The following COL15A1 variants were observed in gnomAD, a reference collection of about 807,000 sequenced individuals.
COL15A1 encodes the protein collagen alpha-1(XV) chain.
Under a neutral mutation model 165.9 loss-of-function variants are expected in COL15A1, and 111 were observed. The ratio of observed to expected loss-of-function variants is 0.67; its 90% CI spans 0.57 to 0.78. The LOEUF is 0.78. Among genes scored for constraint, COL15A1 ranks in the 30% least tolerant of loss-of-function variants. The pLI, the probability that COL15A1 is intolerant of heterozygous loss-of-function variation, is 0.00. For synonymous variants in COL15A1, 659 were observed against 674.8 expected (o/e 0.98, Z 0.36); for missense variants, 1,745 against 1,789.7 (o/e 0.98, Z 0.45).
intron 34 of COL15A1, among the ~76,000 whole-genome samples, chr9:99,055,798 A>G (rs891331371): frequency 3.3e-5 from 5 of 152,220 alleles, no homozygotes; most frequent in Admixed American, 2.0e-4. Flanking sequence ...AGATTTTTCC[A>G]GGTGAAAGGA....
In COL15A1 at chr9:98,994,452, C is replaced by A. The variant is rs187193001; in HGVS notation, c.805-2482C>A. On this transcript the variant is annotated intron_variant, in intron 5 of 41. Coordinates refer to ENST00000375001, the MANE Select transcript of COL15A1 (RefSeq NM_001855.5). ...TCCTACTTAGCCTTCAGGATCCAGTCCACATCCTCTCCTTGGAGGCCATTA... is the reference window on the plus strand; with the variant it reads ...TCCTACTTAGCCTTCAGGATCCAGTACACATCCTCTCCTTGGAGGCCATTA... Among the ~76,000 whole-genome samples the A allele has an allele frequency of 8.8e-4, 134 of 152,154 alleles. 1 individual carries two copies. Among genetic ancestry groups the A allele is most frequent in the Non-Finnish European group, 1.6e-3 (112 of 68,028 alleles).
At chr9:98,957,539 C>T (rs545917624) in intron 2 of COL15A1, among the ~76,000 whole-genome samples, 1 of 152,322 alleles carries the variant, frequency 6.6e-6, no homozygotes, top group South Asian at 2.1e-4. Context: ...GAAGTTCCAC[C>T]AAGTGCTGTC....
rs540564336 is a variant in COL15A1 at position 98,996,734 on chromosome 9, C to T, written c.805-200C>T. 4.6e-5 allele frequency among the ~76,000 whole-genome samples: 7 copies of T among 152,332 alleles called. No homozygotes were observed. In the South Asian group the frequency reaches 6.2e-4, roughly 14 times the overall value. ...AGTCTCACTGTCAAGTGAACAGAATCTAATGACCTCTAGTAGGCACCTCTT... is the reference window on the plus strand; with the variant it reads ...AGTCTCACTGTCAAGTGAACAGAATTTAATGACCTCTAGTAGGCACCTCTT... On this transcript the variant is annotated intron_variant, in intron 5 of 41. Coordinates refer to ENST00000375001, the MANE Select transcript of COL15A1 (RefSeq NM_001855.5).
intron 16 of COL15A1, among the ~76,000 whole-genome samples, chr9:99,029,745 G>A (rs1307462628): frequency 4.6e-5 from 7 of 151,988 alleles, no homozygotes; most frequent in Non-Finnish European, 8.8e-5. Context: ...TCAACATGGC[G>A]AAACCCCATC....
chr9:99,031,860 G>C (rs926268361), intron 16 of COL15A1, among the ~76,000 whole-genome samples: 10 of 152,190 alleles, frequency 6.6e-5, no homozygotes, highest in African/African-American at 2.4e-4. Context: ...TTTTGTTAGA[G>C]TAGGTCCTCC....
At chr9:99,003,366 A>C in intron 7 of COL15A1, 87 bp from the exon 8 acceptor site, 1 of 1,051,148 alleles carries the variant, frequency 9.5e-7, no homozygotes, top group Non-Finnish European at 1.3e-6. Context: ...AGGTGGCTGG[A>C]GAAGGCTAGG....
At chr9:98,982,083 G>C (rs565811037) in intron 2 of COL15A1, among the ~76,000 whole-genome samples, 1 of 152,028 alleles carries the variant, frequency 6.6e-6, no homozygotes, top group Admixed American at 6.6e-5. Flanking sequence ...TTACAGGCAT[G>C]AGCCACCATA....
In COL15A1 at chr9:99,036,195, G is replaced by A. The variant is rs200935969; in HGVS notation, c.2315G>A (p.Arg772Gln). Residue 772 changes from arginine to glutamine, a missense_variant, in exon 20 of 42, where the codon CGG becomes CAG. Coordinates refer to ENST00000375001, the MANE Select transcript of COL15A1 (RefSeq NM_001855.5). ...GGTCTCAAAGGAGAGAAAGGAGACC[G>A]GGGACCCAAGGTGAGGTCACAGAGC... ...AIGLKGEKGD[R>Q]GPKGERGMDG... The A allele has an allele frequency of 2.6e-5, 42 of 1,613,150 alleles. No homozygotes were observed. Among genetic ancestry groups the A allele is most frequent in the East Asian group, 1.6e-4 (7 of 44,868 alleles).
chr9:98,964,538 C>T lies in COL15A1; in HGVS notation c.100+20288C>T, dbSNP rs76053332. ...ACACAGTGTGTTTGACAACAACCCT[C>T]GGACAAATTTCTCTGGTTATTTCTT... On this transcript the variant is annotated intron_variant, in intron 2 of 41. Coordinates refer to ENST00000375001, the MANE Select transcript of COL15A1 (RefSeq NM_001855.5). Among the ~76,000 whole-genome samples, 1,478 of 152,312 alleles carry T rather than the reference C, an allele frequency of 9.7e-3. 27 individuals carry two copies. The highest frequency in any genetic ancestry group is 0.033 in the African/African-American group (1,390 of 41,574).
intron 15 of COL15A1, among the ~76,000 whole-genome samples, chr9:99,025,615 G>C (rs564388585): frequency 6.6e-6 from 1 of 152,206 alleles, no homozygotes. Context: ...GGCCATCAGG[G>C]CTGGGCCTGG....
intron 22 of COL15A1, among the ~76,000 whole-genome samples, chr9:99,040,029 T>C (rs959351479): frequency 6.6e-6 from 1 of 152,222 alleles, no homozygotes; most frequent in African/African-American, 2.4e-5. Flanking sequence ...AGTGACCTCA[T>C]TGTGAGCCAT....
chr9:99,049,871 C>G lies in COL15A1; in HGVS notation c.2880C>G (p.Pro960=). Residue 960 remains proline (P), a synonymous_variant, in exon 30 of 42, where the codon CCC becomes CCG. Transcript: ENST00000375001. The stretch of plus-strand genomic sequence containing the variant: ...ACCCACAGGCCATTTTCCCAATACC[C>G]GTCCGACCACACTGCAAAATGCCAG... ...INIKGAIFPI[P]VRPHCKMPVD... is the part of the protein sequence containing the mutation. The G allele has an allele frequency of 1.2e-6, 2 of 1,614,214 alleles. No homozygotes were observed. Among genetic ancestry groups the G allele is most frequent in the South Asian group, 2.2e-5 (2 of 91,078 alleles).
chr9:98,987,406 C>T, intron 4 of COL15A1, 38 bp downstream of exon 4: 1 of 1,563,108 alleles, frequency 6.4e-7, no homozygotes, highest in Non-Finnish European at 8.7e-7. Flanking sequence ...GCCCTGCAAC[C>T]CCAGCAGCCG....
intron 2 of COL15A1, among the ~76,000 whole-genome samples, chr9:98,983,621 A>G (rs1271105925): frequency 2.6e-5 from 4 of 152,204 alleles, no homozygotes; most frequent in African/African-American, 7.2e-5. Flanking sequence ...GCAGGCTCCC[A>G]TGTCAGCCTC....
Sources: gnomAD v4.1 joint callset for allele counts (sites outside exome capture counted in the v4.1 genomes callset) on GRCh38, gnomAD v4.1.1 for gene constraint, MANE v1.5 for transcripts, NCBI Gene and HGNC (gene_info 2026-07-23, HGNC 2026-07-21) for gene names.